RBFOX1: variants seen among roughly 807,000 people sequenced by gnomAD.
RBFOX1 encodes RNA binding fox-1 homolog 1, also known as RNA binding protein fox-1 homolog 1.
RBFOX1 carries 8 observed loss-of-function variants against 57.7 expected under a neutral mutation model. That is an observed-to-expected ratio of 0.14 (90% CI 0.08 to 0.25). The LOEUF (loss-of-function observed/expected upper bound fraction) is 0.25. RBFOX1 is among the 10% of genes least tolerant of loss of function. The pLI is 1.00. For missense variants in RBFOX1, 611 were observed against 548.5 expected, an observed-to-expected ratio of 1.11 and a Z score of -1.14; for synonymous variants, 326 against 222.4, an observed-to-expected ratio of 1.47 and a Z score of -4.15.
At chr16:6,991,007 G>T (rs563412396) in intron 3 of RBFOX1, among the ~76,000 whole-genome samples, 22 of 152,012 alleles carry the variant, frequency 1.4e-4, no homozygotes, top group African/African-American at 4.8e-4. Context: ...CTACATCACA[G>T]TTGGCTATTT....
At chr16:6,353,962 G>A (rs1048645157) in intron 2 of RBFOX1, among the ~76,000 whole-genome samples, 4 of 152,062 alleles carry the variant, frequency 2.6e-5, no homozygotes, top group Non-Finnish European at 5.9e-5. Flanking sequence ...GTTCACGCCT[G>A]TAGTCCCAGT....
At chr16:6,910,653 C>G (rs1330957918) in intron 3 of RBFOX1, among the ~76,000 whole-genome samples, 1 of 152,266 alleles carries the variant, frequency 6.6e-6, no homozygotes, top group East Asian at 1.9e-4. Context: ...TTCTAGAGGC[C>G]ACCTGGATTA....
chr16:7,194,175 C>T (rs934817136), intron 4 of RBFOX1, among the ~76,000 whole-genome samples: 2 of 152,150 alleles, frequency 1.3e-5, no homozygotes, highest in African/African-American at 2.4e-5. Context: ...CTCTCTAATA[C>T]TTTGTGATCT....
intron 4 of RBFOX1, among the ~76,000 whole-genome samples, chr16:7,243,069 C>T (rs574917987): frequency 6.6e-6 from 1 of 151,922 alleles, no homozygotes; most frequent in Non-Finnish European, 1.5e-5. Flanking sequence ...TAATATATTC[C>T]CTTTATTCTT....
At chr16:5,447,290 C>T (rs1309826123) in intron 1 of RBFOX1, among the ~76,000 whole-genome samples, 1 of 152,020 alleles carries the variant, frequency 6.6e-6, no homozygotes, top group Non-Finnish European at 1.5e-5. Context: ...TGGCTCTGCA[C>T]CGTATAAGCT....
At chr16:7,021,887 C>G (rs1331617893) in intron 3 of RBFOX1, among the ~76,000 whole-genome samples, 1 of 121,746 alleles carries the variant, frequency 8.2e-6, no homozygotes, top group African/African-American at 3.8e-5. Context: ...CTCTCTCTTT[C>G]TTTCTTTCTT....
chr16:6,481,896 T>TGG (rs2095376557), intron 2 of RBFOX1, among the ~76,000 whole-genome samples: 2 of 152,168 alleles, frequency 1.3e-5, no homozygotes, highest in East Asian at 3.8e-4. Context: ...TAATATCATA[T>TGG]TAAAAACACT....
chr16:5,271,541 C>T (rs1013364834), intron 1 of RBFOX1, among the ~76,000 whole-genome samples: 2 of 152,308 alleles, frequency 1.3e-5, no homozygotes, highest in Non-Finnish European at 2.9e-5. Context: ...GAGGTCATGG[C>T]GACGCAGGTT....
chr16:6,094,503 T>A (rs998169645), intron 1 of RBFOX1, among the ~76,000 whole-genome samples: 1 of 152,116 alleles, frequency 6.6e-6, no homozygotes, highest in African/African-American at 2.4e-5. Context: ...GACATTAGAA[T>A]ACCAACAGTA....
chr16:6,865,407 A>C (rs183388329), intron 3 of RBFOX1, among the ~76,000 whole-genome samples: 1 of 152,238 alleles, frequency 6.6e-6, no homozygotes, highest in South Asian at 2.1e-4. Flanking sequence ...AATCATTTCT[A>C]ATTTTACCAG....
intron 3 of RBFOX1, among the ~76,000 whole-genome samples, chr16:6,968,681 C>G (rs1450850396): frequency 6.6e-6 from 1 of 152,150 alleles, no homozygotes; most frequent in African/African-American, 2.4e-5. Flanking sequence ...AAGGTGCTGG[C>G]CTCCCATCGA....
intron 1 of RBFOX1, among the ~76,000 whole-genome samples, chr16:6,177,244 C>G (rs555749845): frequency 7.3e-5 from 11 of 150,696 alleles, no homozygotes; most frequent in African/African-American, 2.7e-4. Flanking sequence ...CTGCCACCAT[C>G]CCACTCATAC....
chr16:5,766,113 A>G (rs1280463723), intron 3 of RBFOX1, among the ~76,000 whole-genome samples: 1 of 152,024 alleles, frequency 6.6e-6, no homozygotes, highest in Non-Finnish European at 1.5e-5. Flanking sequence ...GGTTTTTGAA[A>G]CCTTCCAGCA....
chr16:5,906,765 C>T (rs199515820), intron 4 of RBFOX1, among the ~76,000 whole-genome samples: 9 of 115,268 alleles, frequency 7.8e-5, no homozygotes, highest in African/African-American at 1.0e-4. Context: ...GATGGAGTCT[C>T]GCACTGTCTT....
At chr16:5,442,822 C>A (rs1171495732) in intron 1 of RBFOX1, among the ~76,000 whole-genome samples, 1 of 152,176 alleles carries the variant, frequency 6.6e-6, no homozygotes, top group Non-Finnish European at 1.5e-5. Flanking sequence ...AAATTCATGT[C>A]CCCCATGCAA....
Position 7,019,926 on chromosome 16 carries a change from T to G in RBFOX1, c.-15-32131T>G, listed in dbSNP as rs186245968. On this transcript the variant is annotated intron_variant, in intron 3 of 15. Coordinates refer to ENST00000550418, the MANE Select transcript of RBFOX1 (RefSeq NM_018723.4). ...CTGCTCTCTTTTACCTCCCAGCCTT[T>G]CCACATTTTGTTCTCTCCACCTGAA... Among the ~76,000 whole-genome samples the G allele has an allele frequency of 2.1e-3, 326 of 152,126 alleles. 3 individuals carry two copies. Among genetic ancestry groups the G allele is most frequent in the Admixed American group, 5.9e-3 (90 of 15,282 alleles).
chr16:6,056,560 C>A (rs924716305), intron 1 of RBFOX1, among the ~76,000 whole-genome samples: 1 of 152,186 alleles, frequency 6.6e-6, no homozygotes, highest in Non-Finnish European at 1.5e-5. Flanking sequence ...TGCCTGGCCT[C>A]ATTCCTTTTT....
chr16:7,465,473 C>T (rs1239010488), intron 4 of RBFOX1, among the ~76,000 whole-genome samples: 1 of 152,188 alleles, frequency 6.6e-6, no homozygotes, highest in African/African-American at 2.4e-5. Context: ...CTCTACTTTC[C>T]TATAAGGAGT....
rs781549159 is a variant in RBFOX1 at position 7,499,895 on chromosome 16, GA to G, written c.28-18240del. Among the ~76,000 whole-genome samples, 638 of 140,242 alleles carry G rather than the reference GA, an allele frequency of 4.5e-3. 2 individuals carry two copies. The highest frequency in any genetic ancestry group is 0.011 in the Admixed American group (151 of 14,068). 92.0% of individuals were successfully genotyped at this position (140,242 alleles called of 152,430 possible). ...ACACTGTGAGTATCTGCAAAAAAAA[GA>G]AAAAAAAAAAACATTGTTCACTGCT... On this transcript the variant is annotated intron_variant, in intron 4 of 15. Transcript: ENST00000550418.
Sources: allele counts gnomAD v4.1 joint callset (sites outside exome capture counted in the v4.1 genomes callset), GRCh38; gene constraint gnomAD v4.1.1; transcripts MANE v1.5; gene names NCBI Gene and HGNC (gene_info 2026-07-23, HGNC 2026-07-21).